The following TMC6 variants were observed in gnomAD, a reference collection of about 807,000 sequenced individuals.
The protein encoded by TMC6 is transmembrane channel-like protein 6.
Under a neutral mutation model 95.4 loss-of-function variants are expected in TMC6, and 71 were observed. The observed-to-expected ratio is 0.74, with a 90% CI of 0.61 to 0.91. TMC6 has a LOEUF of 0.91. TMC6 is among the 40% of genes least tolerant of loss of function. The pLI, the probability that TMC6 is intolerant of heterozygous loss-of-function variation, is 0.00. For missense variants in TMC6, 1,074 were observed against 1,079.1 expected (o/e 1.00, Z 0.07); for synonymous variants, 514 against 483.1 (o/e 1.06, Z -0.84).
rs757702383 is a variant in TMC6, at chr17:78,122,745, C to T, written c.1087G>A (p.Ala363Thr). Residue 363 changes from alanine to threonine, a missense_variant, in exon 10 of 20, where the codon GCT (alanine) becomes ACT (threonine). Physicochemically the swap from Ala to Thr is moderately conservative, Grantham distance 58 (BLOSUM62 0). Transcript: ENST00000590602. This position sits in a 1 kb window ranked among gnomAD's most constrained non-coding sequence, Gnocchi z 4.9. ...CGGTAGCTCTCCCCGAAAGAGTGAGCCATGCTGGGGAGAAGCAGACACAGA... is the reference window on the plus strand; with the variant it reads ...CGGTAGCTCTCCCCGAAAGAGTGAGTCATGCTGGGGAGAAGCAGACACAGA... ...ITCITLVYSM[A>T]HSFGESYRVG... The T allele has an allele frequency of 6.2e-7, 1 of 1,609,752 alleles. No homozygotes were observed. The highest frequency in any genetic ancestry group is 1.1e-5 in the South Asian group (1 of 90,716).
chr17:78,112,932 C>T lies in TMC6; in HGVS notation c.*216G>A. ...CAAGGGACAAGCCCATTTGCAAAAC[C>T]CCTTTAATCAGAATAAATAGAGTCC... On this transcript the variant is annotated 3_prime_UTR_variant, in exon 20 of 20. Transcript: ENST00000590602. 1.7e-6 allele frequency: 1 copy of T among 589,778 alleles called. No homozygotes were observed. The highest frequency in any genetic ancestry group is 4.4e-4 in the Middle Eastern group (1 of 2,248). The allele number at this position is 589,778 out of a possible 1,614,324, so 36.5% of individuals were successfully genotyped here.
intron 13 of TMC6, chr17:78,120,272 GC>G: frequency 2.7e-6 from 1 of 366,610 alleles, no homozygotes; most frequent in Non-Finnish European, 5.3e-6. Context: ...CGATTCTCAT[GC>G]CTCTGCCTCC....
intron 5 of TMC6, 82 bp from the exon 6 acceptor site, chr17:78,125,345 G>A (rs2074653023): frequency 3.1e-6 from 4 of 1,276,886 alleles, no homozygotes; most frequent in Non-Finnish European, 4.4e-6. Context: ...TCAGGCCTGT[G>A]TGTCCCTGCG....
upstream of TMC6, chr17:78,131,988 C>G (rs537981704): frequency 1.7e-4 from 259 of 1,527,406 alleles, 3 homozygotes; most frequent in African/African-American, 2.7e-3. Context: ...GCGGCTGGCC[C>G]GGGGCCTTGG....
intron 5 of TMC6, 92 bp from the exon 6 acceptor site, chr17:78,125,355 G>C: frequency 5.9e-6 from 7 of 1,177,430 alleles, no homozygotes; most frequent in Non-Finnish European, 7.3e-6. Context: ...GTGTCCCTGC[G>C]GCACCGTCCC....
rs1321272756 is a variant in TMC6, at chr17:78,126,797, A to G, written c.36T>C (p.Pro12=). 6.2e-7 allele frequency: 1 copy of G among 1,613,100 alleles called. No individual in the cohort carries two copies. Among genetic ancestry groups the G allele is most frequent in the African/African-American group, 1.3e-5 (1 of 74,882 alleles). ...AQPLAFILDV[P]ETPGDQGQGP... ...CTTACCCCTGGTCCCCTGGGGTCTC[A>G]GGGACATCGAGGATGAAGGCCAGTG... The change falls in exon 2 of 20, where the codon CCT becomes CCC. Residue 12 remains proline (P), a synonymous_variant. Transcript: ENST00000590602.
rs1353754555 is a variant in TMC6 at position 78,111,887 on chromosome 17, G to A, written c.*1261C>T. ...CTGGTCCCCACAAGCCTGGAACCCT[G>A]CGCCGTGACGGGCTGGTCCCCACAG... is the stretch of plus-strand genomic sequence containing the variant. On this transcript the variant is annotated 3_prime_UTR_variant, in exon 20 of 20. Transcript: ENST00000590602. 1 of 233,090 alleles carries A rather than the reference G, an allele frequency of 4.3e-6. No individual in the cohort carries two copies. The highest frequency in any genetic ancestry group is 8.7e-6 in the Non-Finnish European group (1 of 115,064). The allele number at this position is 233,090 out of a possible 1,614,324, so 14.4% of individuals were successfully genotyped here.
chr17:78,122,773 T>C lies in TMC6; in HGVS notation c.1083-24A>G. ...TGCTGGGGAGAAGCAGACACAGACA[T>C]GGCAACCAACAAGCTGACGGGCAGA... On this transcript the variant is annotated intron_variant, in intron 9 of 19. Coordinates refer to ENST00000590602, the MANE Select transcript of TMC6 (RefSeq NM_001127198.5). This position sits in a 1 kb window ranked among gnomAD's most constrained non-coding sequence, Gnocchi z 4.9. 6.2e-7 allele frequency: 1 copy of C among 1,605,490 alleles called. No individual in the cohort carries two copies. The highest frequency in any genetic ancestry group is 8.5e-7 in the Non-Finnish European group (1 of 1,177,586).
Position 78,122,160 on chromosome 17 carries a change from G to A in TMC6, c.1227+445C>T, listed in dbSNP as rs115830278. Among the ~76,000 whole-genome samples the A allele has an allele frequency of 2.8e-3, 430 of 152,226 alleles. 4 individuals carry two copies. The highest frequency in any genetic ancestry group is 9.5e-3 in the African/African-American group (396 of 41,544). ...AGGCAGAGAATGTTCCACGAGGCCC[G>A]GCTCTGCAGCCTCCTGGCCCCGCAA... On this transcript the variant is annotated intron_variant, in intron 10 of 19. Coordinates refer to ENST00000590602, the MANE Select transcript of TMC6 (RefSeq NM_001127198.5). The surrounding 1 kb of genome is among the most constrained non-coding windows in gnomAD (Gnocchi z 4.9).
At position 78,121,748 on chromosome 17, in the gene TMC6, A is replaced by C; in HGVS notation, c.1228-37T>G. 1 of 1,549,074 alleles carries C rather than the reference A, an allele frequency of 6.5e-7. No homozygotes were observed. Among genetic ancestry groups the C allele is most frequent in the Non-Finnish European group, 8.7e-7 (1 of 1,151,868 alleles). ...ACCGTGTCCCCGTCACCCACACCAG[A>C]GCACGGGCACACGCAGACGTGCAGA... On this transcript the variant is annotated intron_variant, in intron 10 of 19. Coordinates refer to ENST00000590602, the MANE Select transcript of TMC6 (RefSeq NM_001127198.5). This position sits in a 1 kb window ranked among gnomAD's most constrained non-coding sequence, Gnocchi z 5.6.
At chr17:78,131,576 C>T, upstream of TMC6, 5 of 1,542,670 alleles carry the variant, frequency 3.2e-6, no homozygotes, top group African/African-American at 1.4e-5. Flanking sequence ...AGCCTCTACC[C>T]GTGCCCGCCG....
Position 78,128,389 on chromosome 17 carries a change from C to T in TMC6, c.-75+223G>A, listed in dbSNP as rs1336740198. 1.3e-5 allele frequency among the ~76,000 whole-genome samples: 2 copies of T among 152,060 alleles called. No individual in the cohort carries two copies. Among genetic ancestry groups the T allele is most frequent in the Non-Finnish European group, 2.9e-5 (2 of 67,988 alleles). ...CTCGGCTGGGGGACCTGGGTGGGGGCTGCGGATTTTGCTCCCCGCACTGTC... is the reference window on the plus strand; with the variant it reads ...CTCGGCTGGGGGACCTGGGTGGGGGTTGCGGATTTTGCTCCCCGCACTGTC... On this transcript the variant is annotated intron_variant, in intron 1 of 19. Coordinates refer to ENST00000590602, the MANE Select transcript of TMC6 (RefSeq NM_001127198.5). This position sits in a 1 kb window ranked among gnomAD's most constrained non-coding sequence, Gnocchi z 4.0.
chr17:78,120,152 CTTTTTTTT>C (rs35789255), intron 13 of TMC6: 61 of 149,524 alleles, frequency 4.1e-4, no homozygotes, highest in South Asian at 6.7e-4. Context: ...ATACACGTTA[CTTTTTTTT>C]TTTTTTTTTT....
chr17:78,131,302 C>A, upstream of TMC6: 1 of 551,762 alleles, frequency 1.8e-6, no homozygotes, highest in Admixed American at 3.1e-5. Context: ...GAGGCCGTGG[C>A]TGTGTGTCCC....
At position 78,125,560 on chromosome 17, in the gene TMC6, G is replaced by A. The variant is rs370927417; in HGVS notation, c.430+166C>T. Among the ~76,000 whole-genome samples, 21 of 152,314 alleles carry A rather than the reference G, an allele frequency of 1.4e-4. 1 individual carries two copies. Among genetic ancestry groups the A allele is most frequent in the South Asian group, 6.2e-4 (3 of 4,830 alleles). On this transcript the variant is annotated intron_variant, in intron 5 of 19. Transcript: ENST00000590602. ...GTAAGACCCCCACTTCCCTGTCCCC[G>A]TGGGTCCCTGCAGAGGGACGGGGGG... is the stretch of plus-strand genomic sequence containing the variant.
rs1164994113 is a variant in TMC6, at chr17:78,108,402, C to G, written c.*4746G>C. The G allele has an allele frequency of 6.5e-6, 1 of 154,910 alleles. No individual in the cohort carries two copies. The highest frequency in any genetic ancestry group is 1.5e-5 in the Non-Finnish European group (1 of 68,280). 9.6% of individuals were successfully genotyped at this position (154,910 alleles called of 1,614,324 possible). ...AGCTGGGAATGAAACTCAAAATGCA[C>G]TTGAACCTGGAAGCGGCAACCCTCA... On this transcript the variant is annotated 3_prime_UTR_variant, in exon 20 of 20. Transcript: ENST00000590602.
In TMC6 at chr17:78,128,511, C is replaced by T; in HGVS notation, c.-75+101G>A. The T allele has an allele frequency of 6.6e-6, 1 of 152,264 alleles. No homozygotes were observed. The allele number at this position is 152,264 out of a possible 1,614,324, so 9.4% of individuals were successfully genotyped here. A position where few individuals can be genotyped will look rare whatever the true frequency, so the allele number is the denominator to read the frequency against. On this transcript the variant is annotated intron_variant, in intron 1 of 19. Transcript: ENST00000590602. The surrounding 1 kb of genome is among the most constrained non-coding windows in gnomAD (Gnocchi z 4.0). ...GGGAGGGAACTCGGCTGCCAAATGGCCCCAGAGGCCGAAAGGAATTCAGGG... is the reference window on the plus strand; with the variant it reads ...GGGAGGGAACTCGGCTGCCAAATGGTCCCAGAGGCCGAAAGGAATTCAGGG...
intron 3 of TMC6, 32 bp from the exon 4 acceptor site, chr17:78,126,398 T>G: frequency 6.2e-7 from 1 of 1,601,702 alleles, no homozygotes; most frequent in Non-Finnish European, 8.5e-7. Flanking sequence ...CCAGGGGTCC[T>G]GGAGATGCCA....
chr17:78,126,713 C>G lies in TMC6; in HGVS notation c.56+64G>C. On this transcript the variant is annotated intron_variant, in intron 2 of 19. Transcript: ENST00000590602. ...CTCTCTCCTTCCAGCAGCCCCTGCT[C>G]AGGTGACCTCTCCGTGGGGGGTGGA... is the stretch of plus-strand genomic sequence containing the variant. The G allele has an allele frequency of 8.7e-6, 14 of 1,611,952 alleles. No individual in the cohort carries two copies. In the South Asian group the frequency reaches 1.3e-4, roughly 15 times the overall value.
Sources: gnomAD v4.1 joint callset for allele counts (sites outside exome capture counted in the v4.1 genomes callset) on GRCh38, gnomAD v4.1.1 for gene constraint, Gnocchi (gnomAD v3.1) non-coding constraint, MANE v1.5 for transcripts, NCBI Gene and HGNC (gene_info 2026-07-23, HGNC 2026-07-21) for gene names.